PCDH11Y: variants seen among roughly 807,000 people sequenced by gnomAD.
PCDH11Y encodes the protein protocadherin-11 Y-linked.
For missense variants in PCDH11Y, 12 were observed against 224.8 expected (o/e 0.05, Z 6.05); for synonymous variants, 9 against 83.6 (o/e 0.11, Z 4.87).
rs1433948001 is a variant in PCDH11Y, at chrY:5,707,030, A to G, written c.3353-30242A>G. 5.8e-4 allele frequency among the ~76,000 whole-genome samples: 18 copies of G among 30,941 alleles called. No individual in the cohort carries two copies. The East Asian group carries it at 0.014, about 24-fold the overall frequency. 83.0% of individuals were successfully genotyped at this position (30,941 alleles called of 37,273 possible). The stretch of plus-strand genomic sequence containing the variant: ...TGTGATATTCACAGAGTAGTTTGCT[A>G]CTGTGTGAGAGGCTAATATATTTCT... On this transcript the variant is annotated intron_variant, in intron 4 of 4. Transcript: ENST00000400457.
chrY:5,672,213 C>T (rs2053549959), intron 4 of PCDH11Y, among the ~76,000 whole-genome samples: 1 of 30,156 alleles, frequency 3.3e-5, no homozygotes, highest in African/African-American at 1.3e-4. Flanking sequence ...CTGCAATTTT[C>T]GTGTGTGTGT....
At chrY:5,613,129 G>C (rs2053489645) in intron 4 of PCDH11Y, among the ~76,000 whole-genome samples, 1 of 31,867 alleles carries the variant, frequency 3.1e-5, no homozygotes, top group African/African-American at 1.3e-4. Context: ...GCCTCCCAAA[G>C]TGCTAGGATT....
intron 2 of PCDH11Y, among the ~76,000 whole-genome samples, chrY:5,313,616 AT>A (rs2053104084): frequency 3.2e-5 from 1 of 30,802 alleles, no homozygotes. Flanking sequence ...GGAGAATGAA[AT>A]TGTTCTTGGG....
At chrY:5,174,758 A>G in intron 2 of PCDH11Y, among the ~76,000 whole-genome samples, 15 of 32,390 alleles carry the variant, frequency 4.6e-4, no homozygotes, top group Non-Finnish European at 3.8e-4. Context: ...CACTAGAGTA[A>G]AAGCCATTTG....
At chrY:5,550,931 C>T in intron 3 of PCDH11Y, among the ~76,000 whole-genome samples, 1 of 31,692 alleles carries the variant, frequency 3.2e-5, no homozygotes, top group South Asian at 7.2e-4. Context: ...TCTGAATGAA[C>T]CCAAGGGTGG....
chrY:5,087,819 A>G, intron 1 of PCDH11Y, among the ~76,000 whole-genome samples: 1 of 31,896 alleles, frequency 3.1e-5, no homozygotes, highest in South Asian at 7.3e-4. Flanking sequence ...GACCACTGGG[A>G]TCAGTGGTTC....
At chrY:5,497,504 T>A in intron 2 of PCDH11Y, among the ~76,000 whole-genome samples, 1 of 33,847 alleles carries the variant, frequency 3.0e-5, no homozygotes, top group South Asian at 6.4e-4. Context: ...TGTTTTTTTC[T>A]TGTAAATTTG....
chrY:5,722,846 A>G (rs2053596016), intron 4 of PCDH11Y, among the ~76,000 whole-genome samples: 1 of 33,735 alleles, frequency 3.0e-5, no homozygotes, highest in Non-Finnish European at 7.4e-5. Context: ...GACTCAAGAT[A>G]GTAATTTGAA....
chrY:5,458,843 C>T, intron 2 of PCDH11Y, among the ~76,000 whole-genome samples: 1 of 30,111 alleles, frequency 3.3e-5, no homozygotes, highest in Non-Finnish European at 8.2e-5. Context: ...TGATTGTAAG[C>T]TACTCCTGTA....
chrY:5,356,184 A>G, intron 2 of PCDH11Y, among the ~76,000 whole-genome samples: 1 of 33,356 alleles, frequency 3.0e-5, no homozygotes, highest in East Asian at 8.0e-4. Context: ...AAAATTACAA[A>G]GTTTTCCAGA....
intron 2 of PCDH11Y, among the ~76,000 whole-genome samples, chrY:5,328,035 G>T: frequency 3.0e-5 from 1 of 33,477 alleles, no homozygotes; most frequent in South Asian, 6.8e-4. Flanking sequence ...CTTCTGAGGC[G>T]ATGGGGCAGC....
chrY:5,241,020 T>G (rs2052987592), intron 2 of PCDH11Y, among the ~76,000 whole-genome samples: 54 of 30,748 alleles, frequency 1.8e-3, no homozygotes, highest in South Asian at 4.4e-3. Context: ...CCTTCATTAA[T>G]TATCTTAGCT....
At chrY:5,147,232 T>C in intron 2 of PCDH11Y, among the ~76,000 whole-genome samples, 1 of 30,442 alleles carries the variant, frequency 3.3e-5, no homozygotes, top group South Asian at 7.8e-4. Flanking sequence ...ATTAGTTCTG[T>C]CCCTTTAGAG....
intron 2 of PCDH11Y, among the ~76,000 whole-genome samples, chrY:5,232,085 C>T: frequency 3.0e-5 from 1 of 33,179 alleles, no homozygotes; most frequent in Non-Finnish European, 7.4e-5. Context: ...AGAAATGCCA[C>T]CTAAGGGTCA....
At chrY:5,102,681 A>C, downstream of PCDH11Y, among the ~76,000 whole-genome samples, 1 of 32,745 alleles carries the variant, frequency 3.1e-5, no homozygotes, top group Non-Finnish European at 7.5e-5. Flanking sequence ...AATCCTAAAA[A>C]GTCATTAAAA....
chrY:5,004,177 A>G, intron 1 of PCDH11Y, among the ~76,000 whole-genome samples: 1 of 32,854 alleles, frequency 3.0e-5, no homozygotes. Flanking sequence ...CCGACCAAGC[A>G]TAAAACACAC....
At position 5,014,262 on chromosome Y, in the gene PCDH11Y, ATTTGT is replaced by A. The variant is rs2052557392; in HGVS notation, c.-134+13661_-134+13665del. 1.7e-4 allele frequency among the ~76,000 whole-genome samples: 5 copies of A among 30,215 alleles called. No homozygotes were observed. In the East Asian group the frequency reaches 4.3e-3, roughly 26 times the overall value. 81.1% of individuals were successfully genotyped at this position (30,215 alleles called of 37,273 possible). The stretch of plus-strand genomic sequence containing the variant: ...TCCTTGTTCTTATCCCTGGAATAAT[ATTTGT>A]TTTATCAGCTAATATATGCACCAAT... On this transcript the variant is annotated intron_variant, in intron 1 of 5. Coordinates refer to the PCDH11Y transcript ENST00000333703.
intron 4 of PCDH11Y, among the ~76,000 whole-genome samples, chrY:5,703,006 GTTTA>G (rs2053579524): frequency 1.6e-4 from 5 of 32,013 alleles, no homozygotes; most frequent in Non-Finnish European, 2.3e-4. Flanking sequence ...CACAGAATAT[GTTTA>G]TTTATGTTAA....
At chrY:5,564,446 GC>G in intron 3 of PCDH11Y, among the ~76,000 whole-genome samples, 1 of 32,972 alleles carries the variant, frequency 3.0e-5, no homozygotes, top group South Asian at 6.8e-4. Flanking sequence ...GGAATAATGA[GC>G]TTTATTTAAT....
Sources: allele counts gnomAD v4.1 joint callset (sites outside exome capture counted in the v4.1 genomes callset), GRCh38; gene constraint gnomAD v4.1.1; transcripts MANE v1.5; gene names NCBI Gene and HGNC (gene_info 2026-07-23, HGNC 2026-07-21).